PRG4: variants seen among roughly 807,000 people sequenced by gnomAD.
PRG4 encodes articular superficial zone protein.
A neutral mutation model predicts 91.2 loss-of-function variants in PRG4; 61 were observed. The observed-to-expected ratio is 0.67, with a 90% confidence interval of 0.54 to 0.83. The LOEUF is 0.83. PRG4 is among the 40% of genes least tolerant of loss of function. The pLI is 0.00. For missense variants in PRG4, 1,564 were observed against 1,714.2 expected, an observed-to-expected ratio of 0.91 and a Z score of 1.55; for synonymous variants, 576 against 614.2, an observed-to-expected ratio of 0.94 and a Z score of 0.92.
In PRG4 at chr1:186,301,833, C is replaced by T; in HGVS notation, c.319+122C>T. 6.7e-6 allele frequency: 9 copies of T among 1,337,666 alleles called. No individual in the cohort carries two copies. The South Asian group carries it at 1.1e-4, about 16-fold the overall frequency. 82.9% of individuals were successfully genotyped at this position (1,337,666 alleles called of 1,614,324 possible). ...GGCCTTGATTTTACTAACATATAAG[C>T]TATTTCATAATAATTTTGTTTTGTG... On this transcript the variant is annotated intron_variant, in intron 4 of 12. Coordinates refer to ENST00000445192, the MANE Select transcript of PRG4 (RefSeq NM_005807.6).
Position 186,300,242 on chromosome 1 carries a change from G to T in PRG4, c.199+29G>T, listed in dbSNP as rs1656115083. The T allele has an allele frequency of 2.5e-6, 4 of 1,613,320 alleles. No individual in the cohort carries two copies. In the East Asian group the frequency reaches 8.9e-5, roughly 36 times the overall value. On this transcript the variant is annotated intron_variant, in intron 3 of 12. Coordinates refer to ENST00000445192, the MANE Select transcript of PRG4 (RefSeq NM_005807.6). ...AGTCCTGAGAGCGGGTGTCTCCTCTGTCAAGCAACACTGCGAGTCTGTGAG... is the reference window on the plus strand; with the variant it reads ...AGTCCTGAGAGCGGGTGTCTCCTCTTTCAAGCAACACTGCGAGTCTGTGAG...
At position 186,306,556 on chromosome 1, in the gene PRG4, TAA is replaced by T. The variant is rs1265861411; in HGVS notation, c.839_840del (p.Lys280ArgfsTer5). The T allele has an allele frequency of 6.2e-7, 1 of 1,613,300 alleles. No individual in the cohort carries two copies. Among genetic ancestry groups the T allele is most frequent in the Non-Finnish European group, 8.5e-7 (1 of 1,179,464 alleles). ...CTAAAGAGACGTCTTTGACAGTGAA[TAA>T]AGAGACAACAGTTGAAACTAAAGAA... ...TSKETSLTVN[K>X]ETTVETKETT... On this transcript the variant is annotated frameshift_variant, in exon 7 of 13. Coordinates refer to ENST00000445192, the MANE Select transcript of PRG4 (RefSeq NM_005807.6). LOFTEE classifies it high-confidence loss of function.
intron 8 of PRG4, 132 bp from the exon 9 acceptor site, chr1:186,310,899 AAAT>A (rs1657165813): frequency 2.1e-6 from 2 of 963,806 alleles, no homozygotes; most frequent in Non-Finnish European, 3.1e-6. Context: ...AGAAATGTTC[AAAT>A]ACTACCTTTT....
rs763025365 is a variant in PRG4 at position 186,308,523 on chromosome 1, CTAAGA to C, written c.2806_2810del (p.Lys936AspfsTer40). 7 of 1,613,558 alleles carry C rather than the reference CTAAGA, an allele frequency of 4.3e-6. No individual in the cohort carries two copies. The highest frequency in any genetic ancestry group is 5.9e-6 in the Non-Finnish European group (7 of 1,180,026). The stretch of plus-strand genomic sequence containing the variant: ...ACACCTGAAACTACAACTGCTGCAC[CTAAGA>C]TGACAAAAGAGACAGCAACTACAAC... On this transcript the variant is annotated frameshift_variant, in exon 7 of 13. Transcript: ENST00000445192. LOFTEE classifies it high-confidence loss of function.
In PRG4 at chr1:186,308,386, T is replaced by C. The variant is rs1656902573; in HGVS notation, c.2667T>C (p.Leu889=). ...CTGCAGAACCCACACCAAAAGCTCTTGAAAACAGTCCCAAGGAACCTGGTG... is the reference window on the plus strand; with the variant it reads ...CTGCAGAACCCACACCAAAAGCTCTCGAAAACAGTCCCAAGGAACCTGGTG... ...ELSAEPTPKA[L]ENSPKEPGVP... Residue 889 remains leucine, a synonymous_variant, in exon 7 of 13, where the codon CTT becomes CTC. Coordinates refer to ENST00000445192, the MANE Select transcript of PRG4 (RefSeq NM_005807.6). The C allele has an allele frequency of 6.2e-7, 1 of 1,613,884 alleles. No individual in the cohort carries two copies.
chr1:186,301,735 T>C (rs1325920553), intron 4 of PRG4, 24 bp downstream of exon 4: 2 of 1,610,948 alleles, frequency 1.2e-6, no homozygotes, highest in Non-Finnish European at 1.7e-6. Flanking sequence ...TACCAACCAA[T>C]GCTTCTCAGT....
At chr1:186,305,516 G>T (rs1445750206) in intron 6 of PRG4, among the ~76,000 whole-genome samples, 1 of 152,096 alleles carries the variant, frequency 6.6e-6, no homozygotes, top group African/African-American at 2.4e-5. Context: ...CTGAAGTTCT[G>T]GTTCTAAATA....
In PRG4 at chr1:186,314,533, T is replaced by TA; in HGVS notation, c.*762dup. 2.1e-6 allele frequency: 2 copies of TA among 938,794 alleles called. No homozygotes were observed. The highest frequency in any genetic ancestry group is 3.1e-6 in the Non-Finnish European group (2 of 646,376). 58.2% of individuals were successfully genotyped at this position (938,794 alleles called of 1,614,324 possible). Reference sequence around the variant, plus strand: ...ATTATTTAATAAAACTTTGGAACATTAAAAAAATAAATTGGAGGCTTAAGG... The same window carrying TA: ...ATTATTTAATAAAACTTTGGAACATTAAAAAAAATAAATTGGAGGCTTAAGG... On this transcript the variant is annotated 3_prime_UTR_variant, in exon 13 of 13. Transcript: ENST00000445192.
At chr1:186,309,930 C>G (rs1036474822) in intron 8 of PRG4, 60 bp downstream of exon 8, 1 of 1,429,168 alleles carries the variant, frequency 7.0e-7, no homozygotes. Flanking sequence ...TTATGAGAAC[C>G]AAAGCCGTGG....
At position 186,307,962 on chromosome 1, in the gene PRG4, A is replaced by C; in HGVS notation, c.2243A>C (p.Lys748Thr). Reference sequence around the variant, plus strand: ...GAGCCCACATCCACCACCTCTGACAAGCCCGCTCCAACTACCCCTAAGGGG... The same window carrying C: ...GAGCCCACATCCACCACCTCTGACACGCCCGCTCCAACTACCCCTAAGGGG... ...TKEPTSTTSD[K>T]PAPTTPKGTA... Residue 748 changes from lysine to threonine, a missense_variant, in exon 7 of 13, where the codon AAG (lysine) becomes ACG (threonine). Transcript: ENST00000445192. The C allele has an allele frequency of 6.2e-7, 1 of 1,604,814 alleles. No homozygotes were observed.
chr1:186,305,303 T>C (rs2102018138), intron 6 of PRG4, among the ~76,000 whole-genome samples: 1 of 152,352 alleles, frequency 6.6e-6, no homozygotes, highest in Middle Eastern at 3.4e-3. Context: ...TTATATACTA[T>C]TGTTCTAAGT....
intron 10 of PRG4, 184 bp downstream of exon 10, chr1:186,311,780 C>A: frequency 1.5e-6 from 1 of 666,220 alleles, no homozygotes; most frequent in Non-Finnish European, 2.5e-6. Flanking sequence ...CATTTCTTCA[C>A]AGGCAAGTCA....
At chr1:186,306,259 T>C in intron 6 of PRG4, 59 bp from the exon 7 acceptor site, 1 of 1,329,234 alleles carries the variant, frequency 7.5e-7, no homozygotes, top group Non-Finnish European at 1.0e-6. Flanking sequence ...GGGATCTTTA[T>C]GTCACTATTA....
In PRG4 at chr1:186,313,766, C is replaced by T. The variant is rs755358454; in HGVS notation, c.4203C>T (p.Tyr1401=). The T allele has an allele frequency of 6.2e-7, 1 of 1,602,708 alleles. No homozygotes were observed. The highest frequency in any genetic ancestry group is 1.7e-5 in the Admixed American group (1 of 59,970). The part of the protein sequence containing the change: ...RSGQTLSKVW[Y]NCP Reference sequence around the variant, plus strand: ...GGCAGACCTTATCCAAAGTCTGGTACAACTGTCCTTAGACTGATGAGCAAA... The same window carrying T: ...GGCAGACCTTATCCAAAGTCTGGTATAACTGTCCTTAGACTGATGAGCAAA... Residue 1401 remains tyrosine, a synonymous_variant, in exon 13 of 13, where the codon TAC becomes TAT. Transcript: ENST00000445192.
rs80243887 is a variant in PRG4 at position 186,297,023 on chromosome 1, C to A, written c.76+72C>A. ...CATTCAGTCTTGATTTTTATAACAA[C>A]GGAAATATATTTCTAAAAATTTATA... On this transcript the variant is annotated intron_variant, in intron 2 of 12. Coordinates refer to ENST00000445192, the MANE Select transcript of PRG4 (RefSeq NM_005807.6). 0.014 allele frequency: 18,829 copies of A among 1,314,304 alleles called. 2,083 individuals are homozygous for A. In the African/African-American group the frequency reaches 0.24, roughly 17 times the overall value. 81.4% of individuals were successfully genotyped at this position (1,314,304 alleles called of 1,614,324 possible).
chr1:186,312,433 A>G (rs1657336428), intron 11 of PRG4, 61 bp downstream of exon 11: 33 of 1,444,348 alleles, frequency 2.3e-5, no homozygotes, highest in Non-Finnish European at 3.1e-5. Context: ...ACAGTTTCTT[A>G]TACAGTAAGG....
chr1:186,296,749 T>C lies in PRG4; in HGVS notation c.-30-97T>C. 8.7e-6 allele frequency: 6 copies of C among 688,896 alleles called. 1 individual carries two copies. The South Asian group carries it at 9.7e-5, about 11-fold the overall frequency. 42.7% of individuals were successfully genotyped at this position (688,896 alleles called of 1,614,324 possible). On this transcript the variant is annotated intron_variant, in intron 1 of 12. Coordinates refer to ENST00000445192, the MANE Select transcript of PRG4 (RefSeq NM_005807.6). ...TTCAAGAATGGGATGGTTTTATTAT[T>C]GTTACATTTTTAAAGTTACTGAAAT...
chr1:186,308,902 A>G lies in PRG4; in HGVS notation c.3183A>G (p.Glu1061=). ...TPRKMTSTMP[E]LNPTSRIAEA... is the part of the protein sequence containing the mutation. ...GCAAGATGACATCAACAATGCCAGA[A>G]TTGAACCCTACCTCAAGAATAGCAG... The change falls in exon 7 of 13, where the codon GAA becomes GAG. Residue 1061 remains glutamate, a synonymous_variant. Coordinates refer to ENST00000445192, the MANE Select transcript of PRG4 (RefSeq NM_005807.6). 6.2e-7 allele frequency: 1 copy of G among 1,613,482 alleles called. No individual in the cohort carries two copies. The highest frequency in any genetic ancestry group is 8.5e-7 in the Non-Finnish European group (1 of 1,179,842).
At chr1:186,298,615 C>T (rs980037649) in intron 2 of PRG4, among the ~76,000 whole-genome samples, 8 of 151,776 alleles carry the variant, frequency 5.3e-5, no homozygotes, top group South Asian at 2.1e-4. Flanking sequence ...CTCAGCCTCC[C>T]GAGTAGCTGG....
Sources: allele counts gnomAD v4.1 joint callset (sites outside exome capture counted in the v4.1 genomes callset), GRCh38; gene constraint gnomAD v4.1.1; transcripts MANE v1.5; gene names NCBI Gene and HGNC (gene_info 2026-07-23, HGNC 2026-07-21).